DYNC1I1: variants seen among roughly 807,000 people sequenced by gnomAD.
The protein encoded by DYNC1I1 is dynein cytoplasmic 1 intermediate chain 1.
Under a neutral mutation model 86.6 loss-of-function variants are expected in DYNC1I1, and 43 were observed. The observed-to-expected ratio is 0.50, with a 90% CI of 0.39 to 0.64. The LOEUF (loss-of-function observed/expected upper bound fraction) is 0.64. Ranked by LOEUF, DYNC1I1 falls within the 30% of genes least tolerant of loss-of-function variation. The pLI is 0.00. For missense variants in DYNC1I1, 604 were observed against 788.8 expected (o/e 0.77, Z 2.81); for synonymous variants, 262 against 283.7 (o/e 0.92, Z 0.77).
At chr7:96,010,111 A>G (rs373342335) in intron 10 of DYNC1I1, among the ~76,000 whole-genome samples, 127 of 152,258 alleles carry the variant, frequency 8.3e-4, no homozygotes, top group African/African-American at 3.0e-3. Flanking sequence ...TGAAGCTACA[A>G]TGATAAATAC....
chr7:96,063,335 A>G (rs1280653067), intron 14 of DYNC1I1, among the ~76,000 whole-genome samples: 2 of 151,980 alleles, frequency 1.3e-5, no homozygotes, highest in Non-Finnish European at 2.9e-5. Flanking sequence ...AACTGTGCGC[A>G]TGTGTCTGTG....
chr7:95,871,346 G>A (rs539709237), intron 6 of DYNC1I1, among the ~76,000 whole-genome samples: 14 of 152,214 alleles, frequency 9.2e-5, no homozygotes, highest in Middle Eastern at 6.8e-3. Context: ...TGAAAATACA[G>A]TTAGCGAGGG....
At chr7:95,858,823 C>T (rs1278912515) in intron 5 of DYNC1I1, among the ~76,000 whole-genome samples, 3 of 150,110 alleles carry the variant, frequency 2.0e-5, no homozygotes, top group Non-Finnish European at 4.4e-5. Context: ...CAAAATTTAC[C>T]CTTTAATTCT....
chr7:95,830,138 T>C (rs149507085), intron 5 of DYNC1I1, among the ~76,000 whole-genome samples: 306 of 152,286 alleles, frequency 2.0e-3, no homozygotes, highest in African/African-American at 6.9e-3. Context: ...TTTCACCTTC[T>C]TGAGCTGTGG....
intron 6 of DYNC1I1, among the ~76,000 whole-genome samples, chr7:95,966,533 G>A (rs1181541205): frequency 2.0e-5 from 3 of 152,194 alleles, no homozygotes; most frequent in Non-Finnish European, 2.9e-5. Context: ...CATACTGTTC[G>A]GTACTGTTTA....
intron 16 of DYNC1I1, among the ~76,000 whole-genome samples, chr7:96,084,363 G>A (rs1790613722): frequency 6.8e-6 from 1 of 147,184 alleles, no homozygotes; most frequent in South Asian, 2.1e-4. Flanking sequence ...TAGGAAGAAA[G>A]AGAAATCTGT....
intron 14 of DYNC1I1, 85 bp downstream of exon 14, chr7:96,039,506 G>C: frequency 6.4e-7 from 1 of 1,570,470 alleles, no homozygotes; most frequent in South Asian, 1.1e-5. Flanking sequence ...TGTCCCTAAA[G>C]CCTCTTCCAG....
chr7:95,773,880 C>A (rs549864806), intron 1 of DYNC1I1, among the ~76,000 whole-genome samples: 1 of 152,090 alleles, frequency 6.6e-6, no homozygotes, highest in Non-Finnish European at 1.5e-5. Context: ...TAGAGATATA[C>A]GTTGATCAGT....
chr7:96,094,189 C>G (rs1790929972), intron 16 of DYNC1I1, among the ~76,000 whole-genome samples: 1 of 152,046 alleles, frequency 6.6e-6, no homozygotes, highest in Admixed American at 6.6e-5. Context: ...ACTACTGTAT[C>G]TTTAATTCAA....
rs1174433739 is a variant in DYNC1I1, at chr7:95,933,310, A to G, written c.491-44202A>G. Among the ~76,000 whole-genome samples, 5 of 152,310 alleles carry G rather than the reference A, an allele frequency of 3.3e-5. No individual in the cohort carries two copies. The East Asian group carries it at 7.7e-4, about 23-fold the overall frequency. On this transcript the variant is annotated intron_variant, in intron 6 of 16. Transcript: ENST00000447467. The stretch of plus-strand genomic sequence containing the variant: ...AGCAACCACAGCAAAGAAGAGTCCA[A>G]ATGAATCCACAGCCGGTTTGAGATT...
chr7:95,785,427 A>T (rs1162234355), intron 1 of DYNC1I1, among the ~76,000 whole-genome samples: 3 of 152,068 alleles, frequency 2.0e-5, no homozygotes, highest in Non-Finnish European at 2.9e-5. Flanking sequence ...CAAACAAACA[A>T]ACAAGCAAAA....
At chr7:95,896,817 G>A (rs1296202075) in intron 6 of DYNC1I1, among the ~76,000 whole-genome samples, 1 of 152,144 alleles carries the variant, frequency 6.6e-6, no homozygotes, top group Non-Finnish European at 1.5e-5. Context: ...TTCTGTTTAT[G>A]TTTTATTTAT....
intron 10 of DYNC1I1, among the ~76,000 whole-genome samples, chr7:96,012,714 C>T (rs1225398870): frequency 1.3e-5 from 2 of 152,002 alleles, no homozygotes; most frequent in Non-Finnish European, 2.9e-5. Context: ...CTTTGAAGTG[C>T]TTAATTTATC....
intron 5 of DYNC1I1, among the ~76,000 whole-genome samples, chr7:95,859,995 T>C (rs1468539049): frequency 2.6e-5 from 4 of 152,204 alleles, no homozygotes; most frequent in Non-Finnish European, 5.9e-5. Context: ...TTTGCCCTCT[T>C]CAATGTGTAT....
intron 16 of DYNC1I1, among the ~76,000 whole-genome samples, chr7:96,107,345 C>T (rs576145814): frequency 3.3e-5 from 5 of 151,430 alleles, no homozygotes; most frequent in Admixed American, 6.6e-5. Context: ...TTCATTCATA[C>T]GTTTTGAAGG....
At chr7:95,824,598 A>G (rs879644124) in intron 4 of DYNC1I1, among the ~76,000 whole-genome samples, 1 of 152,254 alleles carries the variant, frequency 6.6e-6, no homozygotes, top group Non-Finnish European at 1.5e-5. Context: ...GGTTAAATAA[A>G]TTATTCTAAC....
intron 1 of DYNC1I1, among the ~76,000 whole-genome samples, chr7:95,774,810 A>G (rs898278345): frequency 1.3e-5 from 2 of 152,214 alleles, no homozygotes; most frequent in Non-Finnish European, 2.9e-5. Context: ...TGTAAAATGC[A>G]TGCCAAATCT....
chr7:95,799,096 C>CT lies in DYNC1I1; in HGVS notation c.-9-5624dup, dbSNP rs1794515075. Among the ~76,000 whole-genome samples the CT allele has an allele frequency of 5.3e-5, 8 of 152,200 alleles. No individual in the cohort carries two copies. The South Asian group carries it at 1.7e-3, about 32-fold the overall frequency. Reference sequence around the variant, plus strand: ...CTCCCCATTTTTTCCTCTATTGAAACTGAGGGGCCGGGTGTGGTGGCTCAT... The same window carrying CT: ...CTCCCCATTTTTTCCTCTATTGAAACTTGAGGGGCCGGGTGTGGTGGCTCAT... On this transcript the variant is annotated intron_variant, in intron 1 of 16. Coordinates refer to ENST00000447467, the MANE Select transcript of DYNC1I1 (RefSeq NM_001135556.2).
At chr7:95,798,713 A>G (rs899038548) in intron 1 of DYNC1I1, among the ~76,000 whole-genome samples, 4 of 152,204 alleles carry the variant, frequency 2.6e-5, no homozygotes, top group Non-Finnish European at 5.9e-5. Flanking sequence ...GACAACCGAA[A>G]GGAAATAGAG....
Sources: gnomAD v4.1 joint callset for allele counts (sites outside exome capture counted in the v4.1 genomes callset) on GRCh38, gnomAD v4.1.1 for gene constraint, MANE v1.5 for transcripts, NCBI Gene and HGNC (gene_info 2026-07-23, HGNC 2026-07-21) for gene names.